Variants in PRMT7 observed in about 807,000 individuals in gnomAD.
PRMT7 encodes the protein protein arginine methyltransferase 7.
Under a neutral mutation model 85.4 loss-of-function variants are expected in PRMT7, and 75 were observed. The observed-to-expected ratio is 0.88, with a 90% CI of 0.73 to 1.06. PRMT7 has a LOEUF of 1.06. Among genes scored for constraint, PRMT7 ranks in the 50% least tolerant of loss-of-function variants. PRMT7 has a pLI of 0.00. For synonymous variants in PRMT7, 397 were observed against 359.5 expected, an observed-to-expected ratio of 1.10 and a Z score of -1.18; for missense variants, 868 against 915.2, an observed-to-expected ratio of 0.95 and a Z score of 0.67.
In PRMT7 at chr16:68,311,042, G is replaced by T. The variant is rs3743741; in HGVS notation, c.-276G>T. On this transcript the variant is annotated 5_prime_UTR_variant, in exon 1 of 19. Coordinates refer to ENST00000441236, the MANE Select transcript of PRMT7 (RefSeq NM_019023.5). Reference sequence around the variant, plus strand: ...TCGACGCTGCGAGGTCCCGCCCCGCGTGCTGGCCGCGGTAAAAGTGGTAGC... The same window carrying T: ...TCGACGCTGCGAGGTCCCGCCCCGCTTGCTGGCCGCGGTAAAAGTGGTAGC... The T allele has an allele frequency of 8.4e-6, 8 of 951,100 alleles. No individual in the cohort carries two copies. In the Admixed American group the frequency reaches 1.2e-4, roughly 14 times the overall value. 58.9% of individuals were successfully genotyped at this position (951,100 alleles called of 1,614,324 possible). A position where few individuals can be genotyped will look rare whatever the true frequency, so the allele number is the denominator to read the frequency against.
chr16:68,355,422 T>C (rs2088219359), intron 16 of PRMT7: 1 of 262,764 alleles, frequency 3.8e-6, no homozygotes, highest in South Asian at 1.5e-4. Flanking sequence ...ACCAAGTTTC[T>C]AGGTGCTGGG....
intron 6 of PRMT7, among the ~76,000 whole-genome samples, chr16:68,331,250 A>G (rs2083849785): frequency 6.6e-6 from 1 of 151,902 alleles, no homozygotes; most frequent in African/African-American, 2.4e-5. Context: ...TGATGCTGGT[A>G]AGATTCTTCC....
chr16:68,320,554 C>T (rs949263918), intron 3 of PRMT7, among the ~76,000 whole-genome samples: 6 of 152,228 alleles, frequency 3.9e-5, no homozygotes, highest in African/African-American at 1.2e-4. Context: ...AAGCGAAAGC[C>T]GCCCTGGGTG....
rs2088605446 is a variant in PRMT7 at position 68,356,750 on chromosome 16, C to G, written c.1861C>G (p.Pro621Ala). 6.2e-7 allele frequency: 1 copy of G among 1,611,348 alleles called. No individual in the cohort carries two copies. The highest frequency in any genetic ancestry group is 8.5e-7 in the Non-Finnish European group (1 of 1,179,840). ...AVLWMEYHLT[P>A]ECTLSTGLLE... ...GCTATGGATGGAGTACCACCTGACCCCGGAGTGCACGCTCAGCACTGGCCT... is the reference window on the plus strand; with the variant it reads ...GCTATGGATGGAGTACCACCTGACCGCGGAGTGCACGCTCAGCACTGGCCT... The change falls in exon 18 of 19, where the codon CCG (proline) becomes GCG (alanine). Residue 621 changes from proline to alanine, a missense_variant. Coordinates refer to ENST00000441236, the MANE Select transcript of PRMT7 (RefSeq NM_019023.5).
intron 10 of PRMT7, 104 bp from the exon 11 acceptor site, chr16:68,346,041 T>C: frequency 1.3e-6 from 2 of 1,541,384 alleles, no homozygotes; most frequent in Non-Finnish European, 1.8e-6. Context: ...TAGCGGGTGC[T>C]CTAAGCCCTC....
chr16:68,345,874 T>C (rs1328978581), intron 10 of PRMT7, 72 bp downstream of exon 10: 1 of 1,591,624 alleles, frequency 6.3e-7, no homozygotes, highest in Non-Finnish European at 8.6e-7. Context: ...TTACAGATCC[T>C]CTGGAGGTGC....
chr16:68,319,700 A>G (rs936543033), intron 3 of PRMT7, among the ~76,000 whole-genome samples: 2 of 66,690 alleles, frequency 3.0e-5, no homozygotes, highest in Non-Finnish European at 5.9e-5. Context: ...AGCCTTCTCA[A>G]TAAGAGTGAG....
chr16:68,312,179 A>C lies in PRMT7; in HGVS notation c.-84+3A>C, dbSNP rs1043830865. ...CAGGCACGCGCCACTACACTCGGGTAATTTTTAATTTTAATATATGTATAT... is the reference window on the plus strand; with the variant it reads ...CAGGCACGCGCCACTACACTCGGGTCATTTTTAATTTTAATATATGTATAT... On this transcript the variant is annotated splice_donor_region_variant and intron_variant, in intron 2 of 18. Coordinates refer to ENST00000441236, the MANE Select transcript of PRMT7 (RefSeq NM_019023.5). 1 of 146,554 alleles carries C rather than the reference A, an allele frequency of 6.8e-6. No homozygotes were observed. Among genetic ancestry groups the C allele is most frequent in the African/African-American group, 2.5e-5 (1 of 39,874 alleles). The allele number at this position is 146,554 out of a possible 1,614,324, so 9.1% of individuals were successfully genotyped here. A position where few individuals can be genotyped will look rare whatever the true frequency, so the allele number is the denominator to read the frequency against.
rs967241590 is a variant in PRMT7 at position 68,353,572 on chromosome 16, C to T, written c.1650+6C>T. The T allele has an allele frequency of 6.4e-7, 1 of 1,571,126 alleles. No homozygotes were observed. Among genetic ancestry groups the T allele is most frequent in the Non-Finnish European group, 8.6e-7 (1 of 1,158,406 alleles). Reference sequence around the variant, plus strand: ...TCATGGACGACATGATTAAGGTAGGCAGGGCCACACTCTGCATAGTACCCC... The same window carrying T: ...TCATGGACGACATGATTAAGGTAGGTAGGGCCACACTCTGCATAGTACCCC... On this transcript the variant is annotated splice_donor_region_variant and intron_variant, in intron 16 of 18. Coordinates refer to ENST00000441236, the MANE Select transcript of PRMT7 (RefSeq NM_019023.5).
rs1181130035 is a variant in PRMT7, at chr16:68,337,582, G to A, written c.504+11G>A. On this transcript the variant is annotated intron_variant, in intron 7 of 18. Transcript: ENST00000441236. Reference sequence around the variant, plus strand: ...AGGCATCTCGTGGAGGTAGTAGACGGAGGGCTCCCTCAGACGTGTCTGTGG... The same window carrying A: ...AGGCATCTCGTGGAGGTAGTAGACGAAGGGCTCCCTCAGACGTGTCTGTGG... 1.3e-6 allele frequency: 2 copies of A among 1,582,220 alleles called. No individual in the cohort carries two copies. Among genetic ancestry groups the A allele is most frequent in the Non-Finnish European group, 1.7e-6 (2 of 1,155,670 alleles).
At chr16:68,326,832 T>A (rs2083179030) in intron 5 of PRMT7, among the ~76,000 whole-genome samples, 1 of 152,052 alleles carries the variant, frequency 6.6e-6, no homozygotes, top group African/African-American at 2.4e-5. Context: ...AGCTTCTTGA[T>A]GGGCTGAGGA....
chr16:68,312,225 A>ATTTTT (rs1411942990), intron 2 of PRMT7, 49 bp downstream of exon 2: 4 of 57,218 alleles, frequency 7.0e-5, no homozygotes, highest in African/African-American at 2.7e-4. Flanking sequence ...ATATATATAT[A>ATTTTT]TATATTTTTT....
At chr16:68,332,705 T>A (rs970548888) in intron 6 of PRMT7, among the ~76,000 whole-genome samples, 3 of 152,214 alleles carry the variant, frequency 2.0e-5, no homozygotes, top group Non-Finnish European at 4.4e-5. Context: ...AAGTTCCAGC[T>A]GCTTCCACTT....
rs8052583 is a variant in PRMT7 at position 68,324,434 on chromosome 16, G to A, written c.133-249G>A. On this transcript the variant is annotated intron_variant, in intron 4 of 18. Coordinates refer to ENST00000441236, the MANE Select transcript of PRMT7 (RefSeq NM_019023.5). ...AGTTGGAAAAAGGAGAACATGGTTTGCAGGGCTCTGGCATCACTTAGTAGA... is the reference window on the plus strand; with the variant it reads ...AGTTGGAAAAAGGAGAACATGGTTTACAGGGCTCTGGCATCACTTAGTAGA... 832 of 525,838 alleles carry A rather than the reference G, an allele frequency of 1.6e-3. 7 individuals are homozygous for A. The highest frequency in any genetic ancestry group is 0.015 in the African/African-American group (801 of 51,902). 32.6% of individuals were successfully genotyped at this position (525,838 alleles called of 1,614,324 possible). A position where few individuals can be genotyped will look rare whatever the true frequency, so the allele number is the denominator to read the frequency against.
intron 14 of PRMT7, among the ~76,000 whole-genome samples, chr16:68,350,299 T>TAC (rs2087105881): frequency 6.6e-6 from 1 of 152,198 alleles, no homozygotes; most frequent in Non-Finnish European, 1.5e-5. Context: ...TGTGGATTGC[T>TAC]GGGTCATGTG....
chr16:68,339,801 A>G lies in PRMT7; in HGVS notation c.760A>G (p.Lys254Glu), dbSNP rs776652017. ...VLPMFSIDFS[K>E]QVSSSAACHS... ...ATTATTCCTCAGCATAGACTTCAGC[A>G]AGCAAGTCAGTAGCTCAGCAGCCTG... The change falls in exon 9 of 19, where the codon AAG (lysine) becomes GAG (glutamate). Residue 254 changes from lysine to glutamate, a missense_variant. Lys to Glu is a moderately conservative substitution (Grantham distance 56). Transcript: ENST00000441236. 5.1e-5 allele frequency: 82 copies of G among 1,613,808 alleles called. No homozygotes were observed. Among genetic ancestry groups the G allele is most frequent in the Non-Finnish European group, 7.0e-5 (82 of 1,179,618 alleles).
chr16:68,334,531 C>T lies in PRMT7; in HGVS notation c.392-2928C>T, dbSNP rs150531016. ...ATACTTTCCAAGGTTCTGCTCTCAG[C>T]CCTTTTTAAAAGTGGCATCTGAAGT... On this transcript the variant is annotated intron_variant, in intron 6 of 18. Transcript: ENST00000441236. Among the ~76,000 whole-genome samples the T allele has an allele frequency of 9.3e-3, 1,418 of 152,290 alleles. 26 individuals are homozygous for T. Among genetic ancestry groups the T allele is most frequent in the African/African-American group, 0.032 (1,346 of 41,554 alleles).
chr16:68,354,272 C>CA (rs1379980352), intron 16 of PRMT7: 1 of 152,290 alleles, frequency 6.6e-6, no homozygotes, highest in African/African-American at 2.4e-5. Context: ...CCCAGCTACT[C>CA]AGGAGGCTGA....
chr16:68,311,480 G>A lies in PRMT7; in HGVS notation c.-219+381G>A, dbSNP rs2043673452. ...TTGGAGAGTCGTGTATTCACTACACGCCAACCAGAGTGGTCCTGTAAAAGC... is the reference window on the plus strand; with the variant it reads ...TTGGAGAGTCGTGTATTCACTACACACCAACCAGAGTGGTCCTGTAAAAGC... On this transcript the variant is annotated intron_variant, in intron 1 of 18. Transcript: ENST00000441236. The A allele has an allele frequency of 1.7e-5, 3 of 174,256 alleles. No individual in the cohort carries two copies. In the South Asian group the frequency reaches 3.1e-4, roughly 18 times the overall value. 10.8% of individuals were successfully genotyped at this position (174,256 alleles called of 1,614,324 possible).
Sources: allele counts gnomAD v4.1 joint callset (sites outside exome capture counted in the v4.1 genomes callset), GRCh38; gene constraint gnomAD v4.1.1; transcripts MANE v1.5; gene names NCBI Gene and HGNC (gene_info 2026-07-23, HGNC 2026-07-21).